Variants in CTNNA2 observed in about 807,000 individuals in gnomAD.
CTNNA2 encodes catenin alpha 2, also known as catenin alpha-2.
In CTNNA2, 42 loss-of-function variants were observed where a neutral mutation model predicts 101.0. The observed-to-expected ratio is 0.42, with a 90% CI of 0.32 to 0.54. The LOEUF (loss-of-function observed/expected upper bound fraction) is 0.54. CTNNA2 is among the 20% of genes least tolerant of loss of function. The pLI is 0.14. For synonymous variants in CTNNA2, 450 were observed against 456.4 expected (o/e 0.99, Z 0.18); for missense variants, 871 against 1,223.1 (o/e 0.71, Z 4.29).
At chr2:79,393,458 C>T (rs1678195892) in intron 4 of CTNNA2, among the ~76,000 whole-genome samples, 1 of 152,104 alleles carries the variant, frequency 6.6e-6, no homozygotes, top group Non-Finnish European at 1.5e-5. Flanking sequence ...TCTCACACTA[C>T]ACTGGCAGAA....
At chr2:80,551,980 G>A (rs1263698894) in intron 11 of CTNNA2, among the ~76,000 whole-genome samples, 5 of 152,060 alleles carry the variant, frequency 3.3e-5, no homozygotes, top group African/African-American at 4.8e-5. Context: ...GTCATTGTAG[G>A]GTTGTTAATA....
At chr2:79,593,739 T>C (rs1338485865) in intron 1 of CTNNA2, among the ~76,000 whole-genome samples, 1 of 152,136 alleles carries the variant, frequency 6.6e-6, no homozygotes, top group Non-Finnish European at 1.5e-5. Context: ...CCGATACTTG[T>C]TATTACTTCC....
chr2:80,166,274 G>A (rs574690042), intron 7 of CTNNA2, among the ~76,000 whole-genome samples: 11 of 152,250 alleles, frequency 7.2e-5, no homozygotes, highest in African/African-American at 2.6e-4. Flanking sequence ...AGAGTTTTAT[G>A]ATTAAAGGGT....
In CTNNA2 at chr2:80,461,961, G is replaced by A. The variant is rs115446957; in HGVS notation, c.1290+42360G>A. Among the ~76,000 whole-genome samples, 366 of 152,300 alleles carry A rather than the reference G, an allele frequency of 2.4e-3. 1 individual carries two copies. The highest frequency in any genetic ancestry group is 8.5e-3 in the African/African-American group (355 of 41,560). On this transcript the variant is annotated intron_variant, in intron 9 of 18. Coordinates refer to ENST00000402739, the MANE Select transcript of CTNNA2 (RefSeq NM_001282597.3). Reference sequence around the variant, plus strand: ...GAGTGGGCTTTGTGCTCAGCCCCCTGGGGATCTGCTTTGCAAGACATCATT... The same window carrying A: ...GAGTGGGCTTTGTGCTCAGCCCCCTAGGGATCTGCTTTGCAAGACATCATT...
intron 7 of CTNNA2, among the ~76,000 whole-genome samples, chr2:80,183,407 G>T (rs908654949): frequency 2.0e-5 from 3 of 152,146 alleles, no homozygotes; most frequent in East Asian, 3.8e-4. Context: ...ATCATAGTTG[G>T]TTTTGGCAGA....
chr2:79,578,657 ACT>A (rs1199813999), intron 1 of CTNNA2, among the ~76,000 whole-genome samples: 1 of 151,914 alleles, frequency 6.6e-6, no homozygotes, highest in East Asian at 1.9e-4. Flanking sequence ...TTTGCCCTGC[ACT>A]CTCTGCCTTA....
chr2:79,921,855 G>A (rs1686676909), intron 7 of CTNNA2, among the ~76,000 whole-genome samples: 2 of 152,146 alleles, frequency 1.3e-5, no homozygotes, highest in East Asian at 1.9e-4. Flanking sequence ...AGAGGAAGGA[G>A]CATTTTGCCC....
chr2:80,578,243 G>A (rs2149711600), intron 13 of CTNNA2, among the ~76,000 whole-genome samples: 1 of 152,244 alleles, frequency 6.6e-6, no homozygotes, highest in East Asian at 1.9e-4. Context: ...ATAAAATAGT[G>A]GAACCACGAA....
At chr2:80,030,872 A>T (rs974376633) in intron 7 of CTNNA2, among the ~76,000 whole-genome samples, 2 of 152,192 alleles carry the variant, frequency 1.3e-5, no homozygotes, top group Non-Finnish European at 2.9e-5. Flanking sequence ...TAAATGGTCA[A>T]TAGACATAAA....
intron 7 of CTNNA2, among the ~76,000 whole-genome samples, chr2:80,052,379 A>T (rs1168178254): frequency 2.6e-5 from 4 of 152,234 alleles, no homozygotes; most frequent in Non-Finnish European, 5.9e-5. Flanking sequence ...AGTGTGTATG[A>T]TACAGGTATT....
chr2:79,223,032 C>G (rs960848148), intron 2 of CTNNA2, among the ~76,000 whole-genome samples: 4 of 152,026 alleles, frequency 2.6e-5, no homozygotes, highest in African/African-American at 9.7e-5. Context: ...TGGTGGAGCA[C>G]ATTTATAGTC....
At chr2:80,288,945 C>T (rs1047190290) in intron 7 of CTNNA2, 1 of 152,174 alleles carries the variant, frequency 6.6e-6, no homozygotes, top group Non-Finnish European at 1.5e-5. Context: ...TCCAAGAACA[C>T]TGTTTCTCAT....
intron 18 of CTNNA2, among the ~76,000 whole-genome samples, chr2:80,645,626 C>T (rs1022312284): frequency 5.3e-5 from 8 of 152,034 alleles, no homozygotes; most frequent in South Asian, 2.1e-4. Flanking sequence ...AACAGATTCC[C>T]GGGTGATGCT....
At chr2:80,209,999 T>C (rs976117118) in intron 7 of CTNNA2, among the ~76,000 whole-genome samples, 2 of 152,236 alleles carry the variant, frequency 1.3e-5, no homozygotes, top group East Asian at 1.9e-4. Flanking sequence ...GTGTGGTTTA[T>C]GGAAGAACTT....
chr2:80,639,144 T>A (rs769001422), intron 18 of CTNNA2, among the ~76,000 whole-genome samples: 1 of 152,228 alleles, frequency 6.6e-6, no homozygotes, highest in African/African-American at 2.4e-5. Context: ...TGAAACTCTT[T>A]AGGAGTTATC....
intron 7 of CTNNA2, among the ~76,000 whole-genome samples, chr2:80,306,400 T>TTTTCTTTTCTTTTCTTTTCTTTCTTTC (rs1491389570): frequency 1.1e-4 from 12 of 109,260 alleles, no homozygotes; most frequent in African/African-American, 4.5e-4. Flanking sequence ...TTTTCTTTTC[T>TTTTCTTTTCTTTTCTTTTCTTTCTTTC]TTTCTTTCTT....
intron 7 of CTNNA2, among the ~76,000 whole-genome samples, chr2:80,107,155 C>T (rs1237115507): frequency 1.3e-5 from 2 of 152,168 alleles, no homozygotes; most frequent in African/African-American, 2.4e-5. Context: ...GCGTGAAACC[C>T]ATGGCCCAAA....
chr2:80,196,565 T>A (rs1480905404), intron 7 of CTNNA2, among the ~76,000 whole-genome samples: 1 of 152,208 alleles, frequency 6.6e-6, no homozygotes, highest in African/African-American at 2.4e-5. Flanking sequence ...TTGCCAATTT[T>A]CAACAACCCT....
intron 9 of CTNNA2, among the ~76,000 whole-genome samples, chr2:80,480,632 T>C (rs1426883769): frequency 6.6e-6 from 1 of 152,140 alleles, no homozygotes; most frequent in Non-Finnish European, 1.5e-5. Context: ...ATCCAGGGCT[T>C]ATGTGAGATG....
Sources: allele counts gnomAD v4.1 joint callset (sites outside exome capture counted in the v4.1 genomes callset), GRCh38; gene constraint gnomAD v4.1.1; transcripts MANE v1.5; gene names NCBI Gene and HGNC (gene_info 2026-07-23, HGNC 2026-07-21).